The following RELL1 variants were observed in gnomAD, a reference collection of about 807,000 sequenced individuals.
RELL1 encodes the protein RELT like 1.
In RELL1, 10 loss-of-function variants were observed where a neutral mutation model predicts 23.0. The observed-to-expected ratio is 0.43, with a 90% CI of 0.27 to 0.74. The LOEUF (loss-of-function observed/expected upper bound fraction) is 0.74. Among genes scored for constraint, RELL1 ranks in the 30% least tolerant of loss-of-function variants. RELL1 has a pLI of 0.19. For missense variants in RELL1, 315 were observed against 364.4 expected, an observed-to-expected ratio of 0.86 and a Z score of 1.10; for synonymous variants, 146 against 146.8, an observed-to-expected ratio of 0.99 and a Z score of 0.04.
At chr4:37,680,586 T>C (rs2109317719) in intron 1 of RELL1, among the ~76,000 whole-genome samples, 1 of 152,268 alleles carries the variant, frequency 6.6e-6, no homozygotes, top group Non-Finnish European at 1.5e-5. Context: ...TGATACAAAG[T>C]TATATTGCAT....
chr4:37,593,373 G>A (rs182182210), intron 6 of RELL1, among the ~76,000 whole-genome samples: 6 of 151,924 alleles, frequency 3.9e-5, no homozygotes, highest in East Asian at 2.0e-4. Context: ...TCAATGACCC[G>A]CATATGAATG....
At chr4:37,616,182 G>A (rs947398195) in intron 6 of RELL1, among the ~76,000 whole-genome samples, 1 of 152,084 alleles carries the variant, frequency 6.6e-6, no homozygotes, top group Admixed American at 6.6e-5. Context: ...AGCACTCTAG[G>A]GTCATTAACT....
At chr4:37,683,047 C>G (rs1455228194) in intron 1 of RELL1, among the ~76,000 whole-genome samples, 1 of 152,176 alleles carries the variant, frequency 6.6e-6, no homozygotes, top group Non-Finnish European at 1.5e-5. Context: ...TAATGAGATT[C>G]TTCTACTAGG....
At chr4:37,649,776 G>A (rs1329265700) in intron 1 of RELL1, among the ~76,000 whole-genome samples, 2 of 152,192 alleles carry the variant, frequency 1.3e-5, no homozygotes, top group Non-Finnish European at 2.9e-5. Flanking sequence ...TGAGTATACA[G>A]GGTTGTCGTG....
chr4:37,671,965 A>G (rs936612884), intron 1 of RELL1, among the ~76,000 whole-genome samples: 5 of 152,160 alleles, frequency 3.3e-5, no homozygotes, highest in African/African-American at 1.2e-4. Context: ...GCCAAATGGT[A>G]GAGATTCATA....
At chr4:37,604,874 C>CAG (rs1560323885) in intron 6 of RELL1, among the ~76,000 whole-genome samples, 5,982 of 95,270 alleles carry the variant, frequency 0.063, 232 homozygotes, top group Middle Eastern at 0.11. Context: ...CAGACACACA[C>CAG]ACACATACAC....
At chr4:37,591,858 G>A (rs943179203) in intron 6 of RELL1, 3 of 152,096 alleles carry the variant, frequency 2.0e-5, no homozygotes, top group African/African-American at 7.2e-5. Context: ...TAACTCAAAG[G>A]TGGTTCTAAT....
Position 37,612,420 on chromosome 4 carries a change from G to A in RELL1, c.*926C>T, listed in dbSNP as rs1719434145. The stretch of plus-strand genomic sequence containing the variant: ...GGAGGCCGAGGCGGGTAGATCGCCT[G>A]AGGTCAGGAGTTCAAGACCAGCCTG... On this transcript the variant is annotated 3_prime_UTR_variant, in exon 7 of 7. Transcript: ENST00000454158. Among the ~76,000 whole-genome samples the A allele has an allele frequency of 2.0e-5, 3 of 151,528 alleles. No homozygotes were observed. The highest frequency in any genetic ancestry group is 4.2e-4 in the South Asian group (2 of 4,816).
chr4:37,656,057 A>T (rs903104325), intron 1 of RELL1, among the ~76,000 whole-genome samples: 3 of 152,252 alleles, frequency 2.0e-5, no homozygotes, highest in African/African-American at 7.2e-5. Context: ...CTGCACTCCC[A>T]TGTTGTCTGC....
At chr4:37,596,119 A>C (rs1220009855) in intron 6 of RELL1, among the ~76,000 whole-genome samples, 1 of 152,132 alleles carries the variant, frequency 6.6e-6, no homozygotes, top group African/African-American at 2.4e-5. Flanking sequence ...GTGCCTCTTT[A>C]ATCCTAATAA....
intron 1 of RELL1, among the ~76,000 whole-genome samples, chr4:37,675,623 T>C (rs1722003050): frequency 6.6e-6 from 1 of 152,200 alleles, no homozygotes. Flanking sequence ...AGATGCAACA[T>C]GTATCCATAG....
chr4:37,605,605 G>A (rs1205812632), intron 6 of RELL1, among the ~76,000 whole-genome samples: 2 of 151,842 alleles, frequency 1.3e-5, no homozygotes, highest in Non-Finnish European at 2.9e-5. Flanking sequence ...AGCCAGGTGT[G>A]GTGGCGTATG....
At chr4:37,669,590 A>T (rs1389735043) in intron 1 of RELL1, among the ~76,000 whole-genome samples, 2 of 152,188 alleles carry the variant, frequency 1.3e-5, no homozygotes, top group Non-Finnish European at 2.9e-5. Flanking sequence ...TGGAATAGAA[A>T]GGGGGGAAAG....
intron 3 of RELL1, among the ~76,000 whole-genome samples, chr4:37,644,893 G>A (rs975623850): frequency 2.0e-5 from 3 of 152,166 alleles, no homozygotes; most frequent in African/African-American, 7.2e-5. Flanking sequence ...ACTACAGTAA[G>A]TGGTTAAAAT....
chr4:37,590,319 C>G (rs750078312), downstream of RELL1: 10 of 1,613,648 alleles, frequency 6.2e-6, no homozygotes, highest in South Asian at 6.6e-5. Context: ...CACAGGGGGA[C>G]GCTGGAGGGG....
intron 6 of RELL1, among the ~76,000 whole-genome samples, chr4:37,622,482 G>A (rs1719800837): frequency 6.6e-6 from 1 of 152,134 alleles, no homozygotes; most frequent in South Asian, 2.1e-4. Context: ...TTTATCCTAT[G>A]CATTTCTTAT....
At chr4:37,673,971 C>T (rs1418589878) in intron 1 of RELL1, among the ~76,000 whole-genome samples, 1 of 152,228 alleles carries the variant, frequency 6.6e-6, no homozygotes, top group Non-Finnish European at 1.5e-5. Context: ...TGCCTTTGCA[C>T]ACAGGCTGTT....
intron 1 of RELL1, among the ~76,000 whole-genome samples, chr4:37,684,246 T>C (rs979562527): frequency 6.6e-6 from 1 of 152,080 alleles, no homozygotes; most frequent in African/African-American, 2.4e-5. Context: ...TGTTGGCTGG[T>C]CAGAGCATCT....
chr4:37,686,175 GC>G, intron 1 of RELL1, 24 bp downstream of exon 1: 2 of 1,554,246 alleles, frequency 1.3e-6, no homozygotes. Context: ...AGCACCCGGC[GC>G]CCCGGCTACG....
Sources: allele counts gnomAD v4.1 joint callset (sites outside exome capture counted in the v4.1 genomes callset), GRCh38; gene constraint gnomAD v4.1.1; transcripts MANE v1.5; gene names NCBI Gene and HGNC (gene_info 2026-07-23, HGNC 2026-07-21).